DYNLT2: variants seen among roughly 807,000 people sequenced by gnomAD.
The protein encoded by DYNLT2 is dynein light chain Tctex-type protein 2.
Under a neutral mutation model 24.3 loss-of-function variants are expected in DYNLT2, and 24 were observed. The observed-to-expected ratio is 0.99, with a 90% CI of 0.71 to 1.39. DYNLT2 has a LOEUF of 1.39. Among genes scored for constraint, DYNLT2 ranks in the 40% most tolerant of loss-of-function variants. The probability of loss-of-function intolerance (pLI) is 0.00; values close to 1 mark genes in which losing one functional copy is unlikely to be tolerated. For missense variants in DYNLT2, 246 were observed against 234.5 expected (o/e 1.05, Z -0.32); for synonymous variants, 85 against 85.4 (o/e 1.00, Z 0.03).
chr6:169,735,517 T>C (rs1789543312), downstream of DYNLT2, among the ~76,000 whole-genome samples: 1 of 152,204 alleles, frequency 6.6e-6, no homozygotes, highest in Non-Finnish European at 1.5e-5. Flanking sequence ...AACTTCTTGA[T>C]TTTTGCCTTA....
Position 169,743,255 on chromosome 6 carries a change from G to T in DYNLT2, c.328-17C>A. ...AAGACTTTCCTTTAAGAAAATTTAA[G>T]AAAAATACTTTTATTTTCAAACCAA... On this transcript the variant is annotated splice_polypyrimidine_tract_variant and intron_variant, in intron 2 of 3. Coordinates refer to ENST00000366774, the MANE Select transcript of DYNLT2 (RefSeq NM_174910.3). The T allele has an allele frequency of 7.1e-7, 1 of 1,412,382 alleles. No homozygotes were observed. Among genetic ancestry groups the T allele is most frequent in the Non-Finnish European group, 9.4e-7 (1 of 1,063,568 alleles). The allele number at this position is 1,412,382 out of a possible 1,614,324, so 87.5% of individuals were successfully genotyped here.
the DYNLT2 span, among the ~76,000 whole-genome samples, chr6:169,731,561 AGG>A: frequency 6.6e-6 from 1 of 152,196 alleles, no homozygotes; most frequent in Non-Finnish European, 1.5e-5. Flanking sequence ...CAGTGAAGTC[AGG>A]GGACTTGTCT....
Position 169,740,170 on chromosome 6 carries a change from A to C in DYNLT2, c.*15T>G. 6.6e-7 allele frequency: 1 copy of C among 1,507,990 alleles called. No homozygotes were observed. Among genetic ancestry groups the C allele is most frequent in the Non-Finnish European group, 9.2e-7 (1 of 1,086,074 alleles). The allele number at this position is 1,507,990 out of a possible 1,614,324, so 93.4% of individuals were successfully genotyped here. The stretch of plus-strand genomic sequence containing the variant: ...AAAAGTTCGGAAGTAAACAATCCTT[A>C]GTACCTGTAATGAGCTATTCATAAT... On this transcript the variant is annotated 3_prime_UTR_variant, in exon 4 of 4. Transcript: ENST00000366774.
downstream of DYNLT2, among the ~76,000 whole-genome samples, chr6:169,736,131 T>G (rs1271347443): frequency 3.8e-5 from 5 of 133,270 alleles, no homozygotes; most frequent in African/African-American, 1.5e-4. Context: ...TGTTGTTTCG[T>G]TTTTTTGTTT....
chr6:169,739,921 G>C (rs534963932), downstream of DYNLT2, among the ~76,000 whole-genome samples: 61 of 152,042 alleles, frequency 4.0e-4, no homozygotes, highest in African/African-American at 1.4e-3. Flanking sequence ...ATAAGAATTT[G>C]TATATACATA....
chr6:169,728,939 TC>T, the DYNLT2 span, among the ~76,000 whole-genome samples: 1 of 152,226 alleles, frequency 6.6e-6, no homozygotes, highest in Non-Finnish European at 1.5e-5. Context: ...CAGCAACACT[TC>T]CTGTGGACCT....
chr6:169,726,437 T>C, the DYNLT2 span, among the ~76,000 whole-genome samples: 2 of 152,134 alleles, frequency 1.3e-5, no homozygotes, highest in Non-Finnish European at 2.9e-5. Context: ...GAAGTAGAAA[T>C]TGGGTTTCAA....
chr6:169,739,144 A>C (rs1789622471), downstream of DYNLT2, among the ~76,000 whole-genome samples: 1 of 151,794 alleles, frequency 6.6e-6, no homozygotes, highest in Non-Finnish European at 1.5e-5. Flanking sequence ...TGCCTCCCAC[A>C]AGTGCACACC....
chr6:169,734,647 T>C, the DYNLT2 span, among the ~76,000 whole-genome samples: 1 of 152,194 alleles, frequency 6.6e-6, no homozygotes, highest in Admixed American at 6.5e-5. Context: ...GACTTGATCG[T>C]GGTAGATAAG....
At chr6:169,737,890 T>A (rs1412679601), downstream of DYNLT2, among the ~76,000 whole-genome samples, 1 of 152,124 alleles carries the variant, frequency 6.6e-6, no homozygotes, top group African/African-American at 2.4e-5. Flanking sequence ...CTGCCTGGAT[T>A]ACTCAGAACT....
At chr6:169,734,977 G>A in the DYNLT2 span, among the ~76,000 whole-genome samples, 1 of 152,092 alleles carries the variant, frequency 6.6e-6, no homozygotes, top group African/African-American at 2.4e-5. Context: ...CTTCTTATTG[G>A]TCTATTCAGG....
At chr6:169,735,403 C>G (rs902435120), downstream of DYNLT2, among the ~76,000 whole-genome samples, 1 of 152,176 alleles carries the variant, frequency 6.6e-6, no homozygotes, top group African/African-American at 2.4e-5. Context: ...ATCTTTCTAG[C>G]TTTCTGATGC....
At chr6:169,751,263 G>T in intron 1 of DYNLT2, 76 bp downstream of exon 1, 1 of 1,536,164 alleles carries the variant, frequency 6.5e-7, no homozygotes, top group East Asian at 2.3e-5. Flanking sequence ...TGACGGGAGC[G>T]GGGCCCACTG....
In DYNLT2 at chr6:169,744,243, T is replaced by C. The variant is rs1789743769; in HGVS notation, c.152A>G (p.Glu51Gly). The change falls in exon 2 of 4, where the codon GAG (glutamate) becomes GGG (glycine). Residue 51 changes from glutamate (E) to glycine (G), a missense_variant. Glu to Gly is a moderately conservative substitution (Grantham distance 98). Coordinates refer to ENST00000366774, the MANE Select transcript of DYNLT2 (RefSeq NM_174910.3). ...YTQILRERLR[E>G]SIHNVQYVEP... ...CACATACTGAACATTGTGAATTGAC[T>C]CTCTCAGTCTTTCTCTTAAAATCTG... 11 of 1,613,404 alleles carry C rather than the reference T, an allele frequency of 6.8e-6. No homozygotes were observed. Among genetic ancestry groups the C allele is most frequent in the African/African-American group, 1.3e-5 (1 of 74,896 alleles).
intron 2 of DYNLT2, 138 bp from the exon 3 acceptor site, chr6:169,743,376 A>T: frequency 2.6e-6 from 1 of 377,668 alleles, no homozygotes; most frequent in Non-Finnish European, 4.4e-6. Flanking sequence ...ATAATATTAA[A>T]TAAATTTTAT....
At chr6:169,741,179 C>G (rs1789671101) in intron 3 of DYNLT2, among the ~76,000 whole-genome samples, 1 of 152,178 alleles carries the variant, frequency 6.6e-6, no homozygotes. Context: ...GTGAATAAGT[C>G]TTGGCCTTGT....
At chr6:169,741,872 A>G (rs1789686372) in intron 3 of DYNLT2, among the ~76,000 whole-genome samples, 1 of 151,966 alleles carries the variant, frequency 6.6e-6, no homozygotes, top group South Asian at 2.1e-4. Context: ...CCTATTTCTT[A>G]AGTCTGTATG....
At chr6:169,738,377 G>C (rs1019656346), downstream of DYNLT2, among the ~76,000 whole-genome samples, 1 of 152,242 alleles carries the variant, frequency 6.6e-6, no homozygotes, top group African/African-American at 2.4e-5. Context: ...GAGGCTGTAC[G>C]AATCTGCGCG....
At chr6:169,728,995 A>G in the DYNLT2 span, among the ~76,000 whole-genome samples, 1 of 152,220 alleles carries the variant, frequency 6.6e-6, no homozygotes, top group African/African-American at 2.4e-5. Context: ...AACATTAATC[A>G]ATTCATAAAA....
Sources: allele counts gnomAD v4.1 joint callset (sites outside exome capture counted in the v4.1 genomes callset), GRCh38; gene constraint gnomAD v4.1.1; transcripts MANE v1.5; gene names NCBI Gene and HGNC (gene_info 2026-07-23, HGNC 2026-07-21).